Variants in RBFOX1 observed in about 807,000 individuals in gnomAD.
The protein encoded by RBFOX1 is RNA binding protein fox-1 homolog 1.
RBFOX1 carries 8 observed loss-of-function variants against 57.7 expected under a neutral mutation model. The ratio of observed to expected loss-of-function variants is 0.14; its 90% CI spans 0.08 to 0.25. The LOEUF (loss-of-function observed/expected upper bound fraction) is 0.25, where lower values mean the gene tolerates loss of function less well. Ranked by LOEUF, RBFOX1 falls within the 10% of genes least tolerant of loss-of-function variation. The pLI, the probability that RBFOX1 is intolerant of heterozygous loss-of-function variation, is 1.00. For missense variants in RBFOX1, 611 were observed against 548.5 expected, an observed-to-expected ratio of 1.11 and a Z score of -1.14; for synonymous variants, 326 against 222.4, an observed-to-expected ratio of 1.47 and a Z score of -4.15.
intron 3 of RBFOX1, among the ~76,000 whole-genome samples, chr16:6,920,685 C>G (rs112822718): frequency 0.013 from 1,992 of 152,240 alleles, 47 homozygotes; most frequent in African/African-American, 0.045. Flanking sequence ...CTTTTGGTTC[C>G]AAGCAATCAT....
At chr16:6,201,734 A>C (rs1247172943) in intron 1 of RBFOX1, among the ~76,000 whole-genome samples, 8 of 152,190 alleles carry the variant, frequency 5.3e-5, no homozygotes, top group Non-Finnish European at 1.5e-5. Flanking sequence ...AGTTACCTTA[A>C]TTTGATCCTT....
rs1054362454 is a variant in RBFOX1 at position 7,010,450 on chromosome 16, C to T, written c.-15-41607C>T. Among the ~76,000 whole-genome samples the T allele has an allele frequency of 2.6e-5, 4 of 152,036 alleles. No homozygotes were observed. The South Asian group carries it at 6.2e-4, about 24-fold the overall frequency. ...GAGACCTCTTAGAGTTGACCGAGTC[C>T]GTGAGCATCCGAGGGGCTAGATCTC... On this transcript the variant is annotated intron_variant, in intron 3 of 15. Coordinates refer to ENST00000550418, the MANE Select transcript of RBFOX1 (RefSeq NM_018723.4).
Position 6,436,208 on chromosome 16 carries a change from A to G in RBFOX1, c.-64+119151A>G, listed in dbSNP as rs747234300. Among the ~76,000 whole-genome samples, 2 of 152,212 alleles carry G rather than the reference A, an allele frequency of 1.3e-5. 1 individual carries two copies. Among genetic ancestry groups the G allele is most frequent in the African/African-American group, 4.8e-5 (2 of 41,466 alleles). ...AAATGTTATACCTGCTTTAAGGGTG[A>G]TATTGACCATGGGAATGCAAGAGCT... On this transcript the variant is annotated intron_variant, in intron 2 of 15. Transcript: ENST00000550418.
intron 3 of RBFOX1, among the ~76,000 whole-genome samples, chr16:6,946,723 C>A (rs1568018779): frequency 6.6e-6 from 1 of 152,076 alleles, no homozygotes; most frequent in Non-Finnish European, 1.5e-5. Context: ...TTGCCTGAGT[C>A]TCCCAAATAG....
chr16:7,574,473 CA>C (rs879356537), intron 5 of RBFOX1, among the ~76,000 whole-genome samples: 1 of 152,130 alleles, frequency 6.6e-6, no homozygotes, highest in Non-Finnish European at 1.5e-5. Flanking sequence ...GGGAAGCCAA[CA>C]GTACAGCCTT....
chr16:5,560,152 A>G (rs745612201), intron 2 of RBFOX1, among the ~76,000 whole-genome samples: 5 of 152,146 alleles, frequency 3.3e-5, no homozygotes, highest in Non-Finnish European at 7.3e-5. Context: ...CACATGCCTG[A>G]CAGTCTCTTT....
intron 3 of RBFOX1, among the ~76,000 whole-genome samples, chr16:7,051,380 C>G (rs1314239389): frequency 3.3e-5 from 5 of 152,238 alleles, no homozygotes; most frequent in African/African-American, 1.2e-4. Context: ...AAAGAAGCGT[C>G]CTTGGACATT....
chr16:6,649,929 T>A (rs1488305592), intron 2 of RBFOX1, among the ~76,000 whole-genome samples: 1 of 152,190 alleles, frequency 6.6e-6, no homozygotes, highest in African/African-American at 2.4e-5. Flanking sequence ...GCCTTTGGGC[T>A]GGTTCCATAT....
At chr16:7,497,433 C>A (rs969554312) in intron 4 of RBFOX1, among the ~76,000 whole-genome samples, 2 of 152,154 alleles carry the variant, frequency 1.3e-5, no homozygotes, top group Non-Finnish European at 2.9e-5. Flanking sequence ...GAATTGAGAG[C>A]TTTCTTCTTT....
chr16:6,531,321 G>T (rs1250245076), intron 2 of RBFOX1, among the ~76,000 whole-genome samples: 1 of 152,160 alleles, frequency 6.6e-6, no homozygotes, highest in African/African-American at 2.4e-5. Flanking sequence ...GTATTTGCAG[G>T]TACTTCACTT....
intron 2 of RBFOX1, among the ~76,000 whole-genome samples, chr16:6,624,915 C>A (rs1486807781): frequency 6.6e-6 from 1 of 152,090 alleles, no homozygotes; most frequent in Non-Finnish European, 1.5e-5. Flanking sequence ...GTAATCCCAG[C>A]ACTTTGGTCG....
chr16:7,416,103 A>G (rs2098475227), intron 4 of RBFOX1, among the ~76,000 whole-genome samples: 1 of 152,070 alleles, frequency 6.6e-6, no homozygotes, highest in Non-Finnish European at 1.5e-5. Context: ...CCCAATCTGA[A>G]ACGATTGCTC....
At chr16:6,348,583 A>G (rs1482832660) in intron 2 of RBFOX1, among the ~76,000 whole-genome samples, 1 of 152,172 alleles carries the variant, frequency 6.6e-6, no homozygotes, top group Non-Finnish European at 1.5e-5. Flanking sequence ...TACAGGAAAG[A>G]TGGCAGAATC....
chr16:6,494,193 G>A (rs1217536852), intron 2 of RBFOX1, among the ~76,000 whole-genome samples: 2 of 152,278 alleles, frequency 1.3e-5, no homozygotes, highest in East Asian at 3.9e-4. Context: ...ATACTGGCAT[G>A]GCTGCAATCC....
rs375616290 is a variant in RBFOX1, at chr16:6,218,815, CTTA to C, written c.-126-98176_-126-98174del. 7.7e-4 allele frequency among the ~76,000 whole-genome samples: 116 copies of C among 150,574 alleles called. 1 individual carries two copies. In the East Asian group the frequency reaches 0.018, roughly 23 times the overall value. On this transcript the variant is annotated intron_variant, in intron 1 of 15. Transcript: ENST00000550418. ...ATCCGAAGTCGGAATCTCAGTTAAG[CTTA>C]TTAGTTAAGTCCCAAATGGAGACAA...
intron 1 of RBFOX1, among the ~76,000 whole-genome samples, chr16:5,375,103 A>G (rs1232460582): frequency 1.3e-5 from 2 of 151,152 alleles, no homozygotes; most frequent in East Asian, 3.9e-4. Flanking sequence ...AAAAAAAAAA[A>G]AAAAAAAAAA....
At chr16:5,619,984 A>G (rs1370093439) in intron 3 of RBFOX1, among the ~76,000 whole-genome samples, 1 of 131,168 alleles carries the variant, frequency 7.6e-6, no homozygotes, top group Non-Finnish European at 1.6e-5. Context: ...CCTAGGATGC[A>G]TTAAAAAAAA....
At chr16:6,245,540 A>G (rs900718527) in intron 1 of RBFOX1, among the ~76,000 whole-genome samples, 9 of 152,146 alleles carry the variant, frequency 5.9e-5, no homozygotes, top group African/African-American at 1.7e-4. Flanking sequence ...CTGCAGTGCA[A>G]CATCTAGCAG....
chr16:6,772,425 C>CGT (rs138817907), intron 3 of RBFOX1, among the ~76,000 whole-genome samples: 4,440 of 146,870 alleles, frequency 0.03, 216 homozygotes, highest in African/African-American at 0.1. Context: ...TGCGCACGTG[C>CGT]GTGTGTGTGT....
Sources: gnomAD v4.1 joint callset for allele counts (sites outside exome capture counted in the v4.1 genomes callset) on GRCh38, gnomAD v4.1.1 for gene constraint, MANE v1.5 for transcripts, NCBI Gene and HGNC (gene_info 2026-07-23, HGNC 2026-07-21) for gene names.